Variants in NTRK2 observed in about 807,000 individuals in gnomAD.
NTRK2 encodes neurotrophic receptor tyrosine kinase 2, also known as BDNF/NT-3 growth factors receptor.
A neutral mutation model predicts 94.5 loss-of-function variants in NTRK2; 13 were observed. That is an observed-to-expected ratio of 0.14 (90% CI 0.09 to 0.22). The LOEUF is 0.22. Among genes scored for constraint, NTRK2 ranks in the 10% least tolerant of loss-of-function variants. The pLI is 1.00. For synonymous variants in NTRK2, 372 were observed against 407.4 expected (o/e 0.91, Z 1.05); for missense variants, 639 against 1,071.2 (o/e 0.60, Z 5.63).
chr9:84,722,100 T>C (rs184151708), intron 6 of NTRK2, among the ~76,000 whole-genome samples: 1 of 151,562 alleles, frequency 6.6e-6, no homozygotes, highest in Non-Finnish European at 1.5e-5. Context: ...GGGCTTGTAT[T>C]ACACTCTGTT....
chr9:84,801,787 G>T (rs186238518), intron 12 of NTRK2, among the ~76,000 whole-genome samples: 16 of 152,294 alleles, frequency 1.1e-4, no homozygotes, highest in South Asian at 4.2e-4. Context: ...TTAGTTCTGG[G>T]ATCTTGGACA....
chr9:84,945,385 A>G lies in NTRK2; in HGVS notation c.1765-3077A>G, dbSNP rs181887898. Among the ~76,000 whole-genome samples the G allele has an allele frequency of 3.2e-3, 483 of 152,322 alleles. 2 individuals are homozygous for G. Among genetic ancestry groups the G allele is most frequent in the Non-Finnish European group, 5.0e-3 (337 of 68,020 alleles). ...GTCAAAGGCAGGAGTGGAGACAGGC[A>G]TGTACCCAACACCATTACGCAAGTG... On this transcript the variant is annotated intron_variant, in intron 15 of 18. Coordinates refer to ENST00000277120, the MANE Select transcript of NTRK2 (RefSeq NM_006180.6).
chr9:84,776,313 C>T (rs980789415), intron 12 of NTRK2, among the ~76,000 whole-genome samples: 2 of 152,128 alleles, frequency 1.3e-5, no homozygotes, highest in Non-Finnish European at 2.9e-5. Flanking sequence ...CCTCTGCCTC[C>T]CAGGTTCAAG....
At chr9:84,795,766 T>C (rs2069242687) in intron 12 of NTRK2, among the ~76,000 whole-genome samples, 1 of 152,128 alleles carries the variant, frequency 6.6e-6, no homozygotes, top group African/African-American at 2.4e-5. Flanking sequence ...CCCCAAAGTA[T>C]TTTGGCTCCT....
At position 85,021,806 on chromosome 9, in the gene NTRK2, C is replaced by T. The variant is rs893561455; in HGVS notation, c.*369C>T. 12 of 317,746 alleles carry T rather than the reference C, an allele frequency of 3.8e-5. No homozygotes were observed. Among genetic ancestry groups the T allele is most frequent in the Admixed American group, 1.8e-4 (4 of 21,814 alleles). The allele number at this position is 317,746 out of a possible 1,614,324, so 19.7% of individuals were successfully genotyped here. A position where few individuals can be genotyped will look rare whatever the true frequency, so the allele number is the denominator to read the frequency against. ...CTGCATAGACAAAGGCCTTAACAAACGTAATTTGTTATATCAGCAGACACT... is the reference window on the plus strand; with the variant it reads ...CTGCATAGACAAAGGCCTTAACAAATGTAATTTGTTATATCAGCAGACACT... On this transcript the variant is annotated 3_prime_UTR_variant, in exon 19 of 19. Coordinates refer to ENST00000277120, the MANE Select transcript of NTRK2 (RefSeq NM_006180.6).
chr9:84,916,849 CAAGA>C (rs2077408505), intron 14 of NTRK2, among the ~76,000 whole-genome samples: 1 of 152,192 alleles, frequency 6.6e-6, no homozygotes. Context: ...AGTTGAATTT[CAAGA>C]GAGAGATGGC....
intron 14 of NTRK2, among the ~76,000 whole-genome samples, chr9:84,933,100 A>C (rs746075105): frequency 2.0e-5 from 3 of 152,190 alleles, no homozygotes; most frequent in African/African-American, 4.8e-5. Flanking sequence ...GAAATGAGAG[A>C]ATATAGTTGG....
At chr9:84,999,379 A>T (rs1830099993) in intron 17 of NTRK2, among the ~76,000 whole-genome samples, 1 of 152,174 alleles carries the variant, frequency 6.6e-6, no homozygotes. Context: ...TGTGATGAAA[A>T]TTGTATTCTA....
At chr9:84,841,336 G>A (rs2074171235) in intron 12 of NTRK2, among the ~76,000 whole-genome samples, 1 of 152,090 alleles carries the variant, frequency 6.6e-6, no homozygotes, top group Non-Finnish European at 1.5e-5. Context: ...TCAATAAATG[G>A]ACACCCAGGC....
At chr9:84,851,530 C>T (rs2074770576) in intron 12 of NTRK2, among the ~76,000 whole-genome samples, 1 of 152,124 alleles carries the variant, frequency 6.6e-6, no homozygotes, top group African/African-American at 2.4e-5. Flanking sequence ...GAAGAGTACA[C>T]AGTAATACAA....
At chr9:85,005,114 C>T (rs772256726) in intron 17 of NTRK2, among the ~76,000 whole-genome samples, 2 of 152,150 alleles carry the variant, frequency 1.3e-5, no homozygotes, top group Non-Finnish European at 2.9e-5. Flanking sequence ...TTTCCTAGAA[C>T]CTGTTACTTC....
At chr9:84,932,013 G>C (rs1688901452) in intron 14 of NTRK2, among the ~76,000 whole-genome samples, 1 of 152,078 alleles carries the variant, frequency 6.6e-6, no homozygotes. Context: ...AAGACCTTTT[G>C]ATTTTTATCA....
At chr9:84,843,790 A>G (rs1400200361) in intron 12 of NTRK2, among the ~76,000 whole-genome samples, 2 of 152,242 alleles carry the variant, frequency 1.3e-5, no homozygotes, top group Non-Finnish European at 2.9e-5. Context: ...CTGAGGACAT[A>G]GATGAGTAAA....
In NTRK2 at chr9:84,948,449, C is replaced by T. The variant is rs2078671193; in HGVS notation, c.1765-13C>T. On this transcript the variant is annotated splice_polypyrimidine_tract_variant and intron_variant, in intron 15 of 18. Transcript: ENST00000277120. ...CACTGAAGTAATCCTTCTCTTTTAA[C>T]ACCCATCCCCAGACCCTGAAGGATG... 6.2e-7 allele frequency: 1 copy of T among 1,613,896 alleles called. No homozygotes were observed. Among genetic ancestry groups the T allele is most frequent in the Non-Finnish European group, 8.5e-7 (1 of 1,179,858 alleles).
chr9:84,907,647 A>G (rs1268710107), intron 14 of NTRK2, among the ~76,000 whole-genome samples: 2 of 151,796 alleles, frequency 1.3e-5, no homozygotes, highest in Non-Finnish European at 2.9e-5. Flanking sequence ...GTGTCTGTTG[A>G]TAAAGCAACA....
chr9:84,751,349 G>A (rs2064588629), intron 11 of NTRK2, among the ~76,000 whole-genome samples: 1 of 152,160 alleles, frequency 6.6e-6, no homozygotes, highest in Admixed American at 6.5e-5. Flanking sequence ...GGAGGTGTAG[G>A]TGGAAGAATT....
rs1273782945 is a variant in NTRK2 at position 84,709,959 on chromosome 9, CTCTGTGTGTG to C, written c.429-676_429-667del. On this transcript the variant is annotated intron_variant, in intron 5 of 18. Coordinates refer to ENST00000277120, the MANE Select transcript of NTRK2 (RefSeq NM_006180.6). ...GTTGCCTTGCCCTCAGAATAGCTTGCTCTGTGTGTGTGTGTGTGTGTGTGTGTGTGTGTGT... is the reference window on the plus strand; with the variant it reads ...GTTGCCTTGCCCTCAGAATAGCTTGCTGTGTGTGTGTGTGTGTGTGTGTGT... Among the ~76,000 whole-genome samples the C allele has an allele frequency of 5.3e-4, 62 of 116,492 alleles. No homozygotes were observed. In the Middle Eastern group the frequency reaches 0.011, roughly 22 times the overall value. 76.4% of individuals were successfully genotyped at this position (116,492 alleles called of 152,430 possible). A position where few individuals can be genotyped will look rare whatever the true frequency, so the allele number is the denominator to read the frequency against.
rs1349303529 is a variant in NTRK2 at position 84,870,331 on chromosome 9, G to GTGTATATATATATATATA, written c.1633+2901_1633+2902insGTATATATATATATATAT. ...ATACATATATGTGGGGTGTGTGTGT[G>GTGTATATATATATATATA]TATATATATATATATATATATATAT... On this transcript the variant is annotated intron_variant, in intron 14 of 18. Coordinates refer to ENST00000277120, the MANE Select transcript of NTRK2 (RefSeq NM_006180.6). 9.6e-4 allele frequency among the ~76,000 whole-genome samples: 30 copies of GTGTATATATATATATATA among 31,180 alleles called. 3 individuals carry two copies. Among genetic ancestry groups the GTGTATATATATATATATA allele is most frequent in the Non-Finnish European group, 1.5e-3 (22 of 14,750 alleles). The allele number at this position is 31,180 out of a possible 152,430, so 20.5% of individuals were successfully genotyped here. A position where few individuals can be genotyped will look rare whatever the true frequency, so the allele number is the denominator to read the frequency against.
At position 84,885,901 on chromosome 9, in the gene NTRK2, G is replaced by A. The variant is rs371444207; in HGVS notation, c.1633+18470G>A. Among the ~76,000 whole-genome samples the A allele has an allele frequency of 1.1e-3, 171 of 151,776 alleles. 2 individuals carry two copies. The highest frequency in any genetic ancestry group is 3.1e-3 in the African/African-American group (128 of 41,394). ...ACAAAAATTAGCCTGGTGTGGTGGC[G>A]GCGCCTGTAATCCCAGCTACTCAGG... On this transcript the variant is annotated intron_variant, in intron 14 of 18. Transcript: ENST00000277120.
Sources: allele counts gnomAD v4.1 joint callset (sites outside exome capture counted in the v4.1 genomes callset), GRCh38; gene constraint gnomAD v4.1.1; transcripts MANE v1.5; gene names NCBI Gene and HGNC (gene_info 2026-07-23, HGNC 2026-07-21).